The following PRSS1 variants were observed in gnomAD, a reference collection of about 807,000 sequenced individuals.
PRSS1 encodes TCR V beta 4.1.
A neutral mutation model predicts 24.2 loss-of-function variants in PRSS1; 22 were observed. The ratio of observed to expected loss-of-function variants is 0.91; its 90% CI spans 0.65 to 1.30. The LOEUF (loss-of-function observed/expected upper bound fraction) is 1.30, where lower values mean the gene tolerates loss of function less well. Ranked by LOEUF, PRSS1 falls within the 50% of genes most tolerant of loss-of-function variation. The pLI is 0.00. For missense variants in PRSS1, 366 were observed against 304.2 expected (o/e 1.20, Z -1.51); for synonymous variants, 126 against 116.1 (o/e 1.08, Z -0.55).
intron 2 of PRSS1, chr7:142,751,234 C>G (rs947043826): frequency 1.7e-6 from 1 of 578,364 alleles, no homozygotes; most frequent in African/African-American, 2.4e-5. Flanking sequence ...CTTGTTAAGG[C>G]ACAAATCACT....
rs1298928593 is a variant in PRSS1, at chr7:142,751,835, A to T, written c.262A>T (p.Ile88Phe). 6.2e-7 allele frequency: 1 copy of T among 1,614,122 alleles called. No homozygotes were observed. Among genetic ancestry groups the T allele is most frequent in the African/African-American group, 1.3e-5 (1 of 75,020 alleles). The change falls in exon 3 of 5, where the codon ATC (isoleucine) becomes TTC (phenylalanine). Residue 88 changes from isoleucine to phenylalanine, a missense_variant. Physicochemically the swap from Ile to Phe is conservative, Grantham distance 21. Transcript: ENST00000311737. ...IEVLEGNEQF[I>F]NAAKIIRHPQ... ...AGTCCTGGAGGGGAATGAGCAGTTC[A>T]TCAATGCAGCCAAGATCATCCGCCA...
chr7:142,751,274 G>T (rs1798699785), intron 2 of PRSS1: 1 of 609,248 alleles, frequency 1.6e-6, no homozygotes, highest in African/African-American at 1.8e-5. Context: ...CTGATCAGTA[G>T]GTGGGGGTAA....
intron 2 of PRSS1, chr7:142,751,189 C>G (rs1312790366): frequency 1.3e-5 from 9 of 675,988 alleles, no homozygotes; most frequent in Non-Finnish European, 2.1e-5. Flanking sequence ...ACCAAGAACT[C>G]TCAAACCTGA....
intron 2 of PRSS1, 146 bp downstream of exon 2, chr7:142,750,860 A>T (rs1227389602): frequency 8.3e-7 from 1 of 1,210,338 alleles, no homozygotes; most frequent in Non-Finnish European, 1.2e-6. Context: ...GACTCTCCAG[A>T]GCAGAGAGTG....
At chr7:142,751,259 A>G (rs1424170014) in intron 2 of PRSS1, 2 of 615,788 alleles carry the variant, frequency 3.2e-6, no homozygotes, top group Non-Finnish European at 5.7e-6. Context: ...CCCTTCCCCA[A>G]GGTTCTGATC....
At position 142,752,910 on chromosome 7, in the gene PRSS1, G is replaced by C; in HGVS notation, c.634G>C (p.Gly212Arg). The C allele has an allele frequency of 6.2e-7, 1 of 1,614,166 alleles. No homozygotes were observed. Among genetic ancestry groups the C allele is most frequent in the Non-Finnish European group, 8.5e-7 (1 of 1,180,008 alleles). Reference protein sequence around the residue: ...GPVVCNGQLQGVVSWGDGCAQ... With the variant: ...GPVVCNGQLQRVVSWGDGCAQ... ...TGTGGTCTGCAATGGACAGCTCCAA[G>C]GAGTTGTCTCCTGGGGTGATGGCTG... The change falls in exon 5 of 5, where the codon GGA becomes CGA. Residue 212 changes from glycine to arginine, a missense_variant. Physicochemically the swap from Gly to Arg is moderately radical, Grantham distance 125. Transcript: ENST00000311737.
rs202051517 is a variant in PRSS1 at position 142,749,558 on chromosome 7, C to T, written c.40+34C>T. On this transcript the variant is annotated intron_variant, in intron 1 of 4. Transcript: ENST00000311737. ...CATGCCCTGCCTCAGGCCCCAACCA[C>T]CCCCCCGTTCCTGGCCGACAAATGC... The T allele has an allele frequency of 4.7e-4, 484 of 1,025,428 alleles. 2 individuals are homozygous for T. The African/African-American group carries it at 0.014, about 30-fold the overall frequency. 63.5% of individuals were successfully genotyped at this position (1,025,428 alleles called of 1,614,324 possible).
At chr7:142,749,632 GT>G (rs1798517399) in intron 1 of PRSS1, 108 bp downstream of exon 1, 16 of 1,426,736 alleles carry the variant, frequency 1.1e-5, no homozygotes, top group Non-Finnish European at 2.0e-6. Context: ...CTGATATTCC[GT>G]TTCCTCCATC....
intron 3 of PRSS1, 35 bp downstream of exon 3, chr7:142,752,062 A>G (rs774123648): frequency 6.2e-7 from 1 of 1,613,626 alleles, no homozygotes; most frequent in Admixed American, 1.7e-5. Context: ...ACTTCCCTCC[A>G]TCCTCACAAT....
At position 142,750,369 on chromosome 7, in the gene PRSS1, C is replaced by T. The variant is rs549344832; in HGVS notation, c.41-186C>T. Reference sequence around the variant, plus strand: ...CCTCCGCAGGGTACCTAGCTATGTGCCCTGCAGGCACAGAGACTTGGGAGC... The same window carrying T: ...CCTCCGCAGGGTACCTAGCTATGTGTCCTGCAGGCACAGAGACTTGGGAGC... On this transcript the variant is annotated intron_variant, in intron 1 of 4. Transcript: ENST00000311737. 2.6e-5 allele frequency among the ~76,000 whole-genome samples: 4 copies of T among 151,730 alleles called. No homozygotes were observed. In the East Asian group the frequency reaches 5.8e-4, roughly 22 times the overall value.
rs1382404555 is a variant in PRSS1, at chr7:142,752,526, T to C, written c.550T>C (p.Phe184Leu). 6.2e-7 allele frequency: 1 copy of C among 1,614,098 alleles called. No individual in the cohort carries two copies. The highest frequency in any genetic ancestry group is 8.5e-7 in the Non-Finnish European group (1 of 1,180,032). The change falls in exon 4 of 5, where the codon TTC becomes CTC. Residue 184 changes from phenylalanine (F) to leucine (L), a missense_variant. By Grantham distance (22) the Phe-to-Leu change is conservative. Transcript: ENST00000311737. ...SYPGKITSNM[F>L]CVGFLEGGKD... ...CCCTGGAAAGATTACCAGCAACATGTTCTGTGTGGGCTTCCTTGAGGGAGG... is the reference window on the plus strand; with the variant it reads ...CCCTGGAAAGATTACCAGCAACATGCTCTGTGTGGGCTTCCTTGAGGGAGG...
chr7:142,751,546 C>G, intron 2 of PRSS1: 1 of 715,118 alleles, frequency 1.4e-6, no homozygotes, highest in Non-Finnish European at 2.3e-6. Context: ...TGGTGGGATC[C>G]CTTTGACTCT....
rs766579839 is a variant in PRSS1, at chr7:142,750,590, G to C, written c.76G>C (p.Gly26Arg). The C allele has an allele frequency of 2.5e-6, 4 of 1,613,918 alleles. No homozygotes were observed. The East Asian group carries it at 6.7e-5, about 27-fold the overall frequency. ...APFDDDDKIV[G>R]GYNCEENSVP... ...CTTTGATGATGATGACAAGATCGTTGGGGGCTACAACTGTGAGGAGAATTC... is the reference window on the plus strand; with the variant it reads ...CTTTGATGATGATGACAAGATCGTTCGGGGCTACAACTGTGAGGAGAATTC... Residue 26 changes from glycine to arginine, a missense_variant, in exon 2 of 5, where the codon GGG becomes CGG. Transcript: ENST00000311737.
intron 2 of PRSS1, chr7:142,751,077 A>C: frequency 1.7e-6 from 1 of 602,566 alleles, no homozygotes; most frequent in South Asian, 1.5e-5. Flanking sequence ...AGGGCAATTA[A>C]GTCAAAATTT....
chr7:142,749,546 A>C (rs986236611), intron 1 of PRSS1, 22 bp downstream of exon 1: 20 of 1,613,444 alleles, frequency 1.2e-5, no homozygotes, highest in Non-Finnish European at 1.7e-5. Context: ...GCCCTGCCTC[A>C]GGCCCCAACC....
Position 142,751,873 on chromosome 7 carries a change from C to T in PRSS1, c.300C>T (p.Asp100=), listed in dbSNP as rs753600288. 8.1e-6 allele frequency: 13 copies of T among 1,614,094 alleles called. No individual in the cohort carries two copies. In the South Asian group the frequency reaches 1.3e-4, roughly 16 times the overall value. ...AAKIIRHPQY[D]RKTLNNDIML... ...AGATCATCCGCCACCCCCAATACGA[C>T]AGGAAGACTCTGAACAATGACATCA... Residue 100 remains aspartate (D), a synonymous_variant, in exon 3 of 5, where the codon GAC becomes GAT. Transcript: ENST00000311737.
chr7:142,749,575 G>T (rs559772573), intron 1 of PRSS1, 51 bp downstream of exon 1: 85 of 1,575,616 alleles, frequency 5.4e-5, no homozygotes, highest in Admixed American at 4.2e-4. Flanking sequence ...GTTCCTGGCC[G>T]ACAAATGCCC....
intron 1 of PRSS1, among the ~76,000 whole-genome samples, chr7:142,749,830 A>G (rs112184953): frequency 5.2e-3 from 758 of 146,814 alleles, no homozygotes; most frequent in African/African-American, 0.018. Context: ...TCCAACAGCA[A>G]CAGAATAGCA....
At chr7:142,751,616 T>G in intron 2 of PRSS1, 158 bp from the exon 3 acceptor site, 1 of 1,383,074 alleles carries the variant, frequency 7.2e-7, no homozygotes, top group Non-Finnish European at 9.9e-7. Flanking sequence ...ATACCTTCAC[T>G]GACCCACATC....
Sources: gnomAD v4.1 joint callset for allele counts (sites outside exome capture counted in the v4.1 genomes callset) on GRCh38, gnomAD v4.1.1 for gene constraint, MANE v1.5 for transcripts, NCBI Gene and HGNC (gene_info 2026-07-23, HGNC 2026-07-21) for gene names.